Variants in CPQ observed in about 807,000 individuals in gnomAD.
CPQ encodes the protein Ser-Met dipeptidase.
Under a neutral mutation model 45.7 loss-of-function variants are expected in CPQ, and 37 were observed. That is an observed-to-expected ratio of 0.81 (90% CI 0.62 to 1.07). The LOEUF is 1.07. CPQ is among the 50% of genes least tolerant of loss of function. The pLI, the probability that CPQ is intolerant of heterozygous loss-of-function variation, is 0.00. For missense variants in CPQ, 537 were observed against 572.9 expected, an observed-to-expected ratio of 0.94 and a Z score of 0.64; for synonymous variants, 186 against 205.8, an observed-to-expected ratio of 0.90 and a Z score of 0.82.
intron 7 of CPQ, among the ~76,000 whole-genome samples, chr8:97,098,464 G>A (rs533836614): frequency 6.6e-6 from 1 of 152,260 alleles, no homozygotes; most frequent in East Asian, 1.9e-4. Context: ...GCAACTCTCA[G>A]CAGAAGCCCT....
intron 4 of CPQ, among the ~76,000 whole-genome samples, chr8:96,916,459 T>A (rs1812734126): frequency 1.3e-5 from 2 of 152,160 alleles, no homozygotes; most frequent in Admixed American, 6.6e-5. Flanking sequence ...TAACTGGAAA[T>A]TCATGACCAT....
At chr8:97,054,983 G>A (rs1810427400) in intron 6 of CPQ, among the ~76,000 whole-genome samples, 1 of 152,116 alleles carries the variant, frequency 6.6e-6, no homozygotes, top group Admixed American at 6.6e-5. Context: ...CATAGGCATG[G>A]AGTTTTCTTC....
chr8:97,108,097 G>A (rs747949148), intron 7 of CPQ, among the ~76,000 whole-genome samples: 2 of 152,214 alleles, frequency 1.3e-5, no homozygotes, highest in Non-Finnish European at 2.9e-5. Context: ...AGAATGCCTT[G>A]CCAGTGCTGT....
chr8:96,768,868 A>G (rs1461590096), intron 1 of CPQ, among the ~76,000 whole-genome samples: 4 of 152,192 alleles, frequency 2.6e-5, no homozygotes, highest in African/African-American at 9.7e-5. Flanking sequence ...TCCAAAGGAA[A>G]TTACTAATAT....
intron 7 of CPQ, among the ~76,000 whole-genome samples, chr8:97,101,951 CCTCT>C (rs150834817): frequency 0.023 from 2,116 of 90,648 alleles, 45 homozygotes; most frequent in Admixed American, 0.057. Flanking sequence ...TCCCTCCCTC[CCTCT>C]CTCTCTCTCT....
intron 5 of CPQ, among the ~76,000 whole-genome samples, chr8:96,984,761 C>A (rs985608261): frequency 6.6e-6 from 1 of 152,112 alleles, no homozygotes; most frequent in Admixed American, 6.6e-5. Context: ...CATGGATATA[C>A]TGGGGATCAT....
intron 1 of CPQ, among the ~76,000 whole-genome samples, chr8:96,712,995 CA>C (rs1809633338): frequency 1.3e-5 from 2 of 152,252 alleles, no homozygotes; most frequent in African/African-American, 4.8e-5. Context: ...TCATCTCTCT[CA>C]AGTTCAAAGT....
chr8:96,965,801 A>C, intron 4 of CPQ, 134 bp from the exon 5 acceptor site: 1 of 556,460 alleles, frequency 1.8e-6, no homozygotes, highest in South Asian at 2.9e-5. Context: ...ATAATGACAC[A>C]TATCTTTAAA....
intron 2 of CPQ, among the ~76,000 whole-genome samples, chr8:96,821,075 A>G (rs541843872): frequency 1.2e-3 from 155 of 126,876 alleles, no homozygotes; most frequent in Non-Finnish European, 2.1e-3. Context: ...GGCCATTTGT[A>G]TGTCTTTTGA....
intron 4 of CPQ, among the ~76,000 whole-genome samples, chr8:96,926,613 T>TCTTCTTCTTCTTCTCCTCCTTCTC (rs1812889657): frequency 6.7e-6 from 1 of 149,074 alleles, no homozygotes; most frequent in Non-Finnish European, 1.5e-5. Flanking sequence ...TTCTTCTTCT[T>TCTTCTTCTTCTTCTCCTCCTTCTC]CTTCTTCTTC....
chr8:96,682,220 T>A (rs1809161368), intron 1 of CPQ, among the ~76,000 whole-genome samples: 1 of 152,192 alleles, frequency 6.6e-6, no homozygotes, highest in Non-Finnish European at 1.5e-5. Flanking sequence ...CATGTTGAAT[T>A]CTCATGTGTT....
chr8:96,964,385 T>A (rs1813519791), intron 4 of CPQ, among the ~76,000 whole-genome samples: 1 of 152,196 alleles, frequency 6.6e-6, no homozygotes, highest in Non-Finnish European at 1.5e-5. Flanking sequence ...ATATTTTGTC[T>A]TTTTCATTTT....
rs182002067 is a variant in CPQ at position 96,996,905 on chromosome 8, G to A, written c.961+30859G>A. 8.5e-5 allele frequency among the ~76,000 whole-genome samples: 13 copies of A among 152,120 alleles called. No homozygotes were observed. The East Asian group carries it at 2.3e-3, about 27-fold the overall frequency. On this transcript the variant is annotated intron_variant, in intron 5 of 7. Coordinates refer to ENST00000220763, the MANE Select transcript of CPQ (RefSeq NM_016134.4). ...GTTAGTTTGCTATTAGTGGAATAAG[G>A]TAGGCAAAGCATCTGGAAATGTTCT...
chr8:97,046,303 C>G (rs1810255390), intron 6 of CPQ, among the ~76,000 whole-genome samples: 1 of 150,794 alleles, frequency 6.6e-6, no homozygotes, highest in South Asian at 2.1e-4. Context: ...CTCGTGTACT[C>G]TCATCAAATG....
intron 3 of CPQ, among the ~76,000 whole-genome samples, chr8:96,859,138 C>T (rs781148708): frequency 1.6e-4 from 24 of 152,164 alleles, no homozygotes; most frequent in Non-Finnish European, 3.4e-4. Context: ...GACTGATTGC[C>T]TTAATCCAAC....
intron 3 of CPQ, among the ~76,000 whole-genome samples, chr8:96,865,605 G>A (rs1048495963): frequency 1.3e-5 from 2 of 152,150 alleles, no homozygotes; most frequent in Middle Eastern, 3.4e-3. Flanking sequence ...CTTATGCTGA[G>A]CTTTCTTTGG....
intron 4 of CPQ, among the ~76,000 whole-genome samples, chr8:96,957,769 G>A (rs1225544425): frequency 2.6e-5 from 4 of 151,730 alleles, no homozygotes; most frequent in East Asian, 1.9e-4. Context: ...TCTGCACTCC[G>A]GCCTGGGTGA....
intron 3 of CPQ, among the ~76,000 whole-genome samples, chr8:96,837,691 A>G (rs1586420874): frequency 6.6e-6 from 1 of 151,770 alleles, no homozygotes; most frequent in Non-Finnish European, 1.5e-5. Context: ...CATCCATACC[A>G]CTGCCGCCAG....
At chr8:96,835,894 T>C (rs909074104) in intron 3 of CPQ, among the ~76,000 whole-genome samples, 3 of 152,226 alleles carry the variant, frequency 2.0e-5, no homozygotes, top group African/African-American at 7.2e-5. Context: ...TTCTTTGTAG[T>C]TTTGATTGAG....
Sources: allele counts gnomAD v4.1 joint callset (sites outside exome capture counted in the v4.1 genomes callset), GRCh38; gene constraint gnomAD v4.1.1; transcripts MANE v1.5; gene names NCBI Gene and HGNC (gene_info 2026-07-23, HGNC 2026-07-21).